Variants in F8 observed in about 807,000 individuals in gnomAD.
The protein encoded by F8 is antihemophilic factor.
In F8, 12 loss-of-function variants were observed where a neutral mutation model predicts 140.6. The ratio of observed to expected loss-of-function variants is 0.09; its 90% CI spans 0.05 to 0.14. The LOEUF is 0.14. Ranked by LOEUF, F8 falls within the 10% of genes least tolerant of loss-of-function variation. F8 has a pLI of 1.00. For missense variants in F8, 1,354 were observed against 1,720.7 expected (o/e 0.79, Z 3.77); for synonymous variants, 585 against 614.6 (o/e 0.95, Z 0.71).
At chrX:154,839,347 G>A (rs1432719892) in intron 25 of F8, among the ~76,000 whole-genome samples, 7 of 106,537 alleles carry the variant, frequency 6.6e-5, no homozygotes, top group African/African-American at 1.0e-4. Flanking sequence ...AGGCAACATA[G>A]CGAAATTCTG....
At chrX:154,947,542 G>T (rs1382347103) in intron 13 of F8, among the ~76,000 whole-genome samples, 156 bp downstream of exon 13, 2 of 111,407 alleles carry the variant, frequency 1.8e-5, no homozygotes, top group African/African-American at 3.3e-5. Context: ...AGTTGCAAGG[G>T]TGAAAATAAT....
chrX:154,989,767 C>T (rs1421954758), intron 4 of F8, among the ~76,000 whole-genome samples: 1 of 112,032 alleles, frequency 8.9e-6, no homozygotes, highest in Non-Finnish European at 1.9e-5. Flanking sequence ...CATATTCAGA[C>T]TTAAGTTCCA....
rs192185959 is a variant in F8, at chrX:154,960,032, G to C, written c.1537+1043C>G. Among the ~76,000 whole-genome samples, 8 of 111,803 alleles carry C rather than the reference G, an allele frequency of 7.2e-5. No homozygotes were observed. The Admixed American group carries it at 7.6e-4, about 11-fold the overall frequency. On this transcript the variant is annotated intron_variant, in intron 10 of 25. Coordinates refer to ENST00000360256, the MANE Select transcript of F8 (RefSeq NM_000132.4). ...GCAGCAGTAGAGAAAAGAAAGGTTT[G>C]GGGAAAGGAAAAGTGAGGGGTACAG...
intron 9 of F8, 27 bp from the exon 10 acceptor site, chrX:154,961,195 C>G (rs782389527): frequency 4.5e-6 from 4 of 888,132 alleles, no homozygotes; most frequent in Non-Finnish European, 6.5e-6. Context: ...GATCTAAGAT[C>G]AAATCCTAAA....
intron 4 of F8, among the ~76,000 whole-genome samples, chrX:154,990,920 C>T (rs1477995572): frequency 3.6e-5 from 4 of 111,848 alleles, no homozygotes; most frequent in African/African-American, 9.8e-5. Flanking sequence ...ATAAACTTTC[C>T]AGTTCTGTGA....
chrX:154,848,286 T>C (rs782662802), intron 25 of F8, among the ~76,000 whole-genome samples: 2 of 112,575 alleles, frequency 1.8e-5, no homozygotes, highest in Admixed American at 9.4e-5. Context: ...AACTCTGTGC[T>C]GGGAGAACCA....
chrX:154,900,058 T>C (rs953940907), intron 20 of F8, 107 bp from the exon 21 acceptor site: 1 of 674,762 alleles, frequency 1.5e-6, no homozygotes, highest in Non-Finnish European at 2.3e-6. Flanking sequence ...GTGGTGAAAA[T>C]AGAGAAAAAC....
intron 7 of F8, 152 bp from the exon 8 acceptor site, chrX:154,966,839 T>G (rs1160906191): frequency 1.5e-6 from 1 of 659,711 alleles, no homozygotes; most frequent in African/African-American, 2.2e-5. Context: ...CTGCTTGGCT[T>G]CAGGGAGGTC....
intron 4 of F8, 29 bp downstream of exon 4, chrX:154,992,907 A>G (rs782385442): frequency 1.7e-6 from 2 of 1,158,222 alleles, no homozygotes; most frequent in Non-Finnish European, 2.4e-6. Context: ...TGCTTATTTC[A>G]TCTCAATCCT....
intron 22 of F8, among the ~76,000 whole-genome samples, chrX:154,873,289 C>T (rs1320971296): frequency 4.7e-5 from 5 of 105,854 alleles, no homozygotes; most frequent in South Asian, 4.2e-4. Flanking sequence ...TGCAGTGGTG[C>T]GATCTTGGCT....
intron 25 of F8, among the ~76,000 whole-genome samples, chrX:154,845,771 G>A (rs1414773449): frequency 9.0e-6 from 1 of 111,499 alleles, no homozygotes; most frequent in Admixed American, 9.5e-5. Flanking sequence ...TTTTTAAAGG[G>A]TTTTTTGTGT....
At position 154,957,179 on chromosome X, in the gene F8, C is replaced by G; in HGVS notation, c.1538-8G>C. ...CCTTCAAATGTTTTACACCTACCCA[C>G]AAGCAAAACCATAAATAGCTCAATT... On this transcript the variant is annotated splice_polypyrimidine_tract_variant and splice_region_variant and intron_variant, in intron 10 of 25. Transcript: ENST00000360256. 8.6e-7 allele frequency: 1 copy of G among 1,159,298 alleles called. No homozygotes were observed. Among genetic ancestry groups the G allele is most frequent in the Non-Finnish European group, 1.2e-6 (1 of 849,551 alleles).
intron 22 of F8, among the ~76,000 whole-genome samples, chrX:154,891,561 A>G (rs1362852192): frequency 8.9e-6 from 1 of 112,503 alleles, no homozygotes; most frequent in Non-Finnish European, 1.9e-5. Context: ...GTGGGATGTA[A>G]AGATGTTTGA....
chrX:154,970,828 T>C (rs1225726478), intron 6 of F8, among the ~76,000 whole-genome samples: 1 of 111,812 alleles, frequency 8.9e-6, no homozygotes, highest in Non-Finnish European at 1.9e-5. Flanking sequence ...TATGTAATTT[T>C]CCTTCAGAGT....
chrX:154,887,830 CT>C, intron 22 of F8: 1 of 530,693 alleles, frequency 1.9e-6, no homozygotes. Flanking sequence ...CTGCCTCCGC[CT>C]TTGTTTCATA....
intron 6 of F8, among the ~76,000 whole-genome samples, chrX:154,983,618 G>A (rs1408394099): frequency 8.9e-6 from 1 of 111,980 alleles, no homozygotes; most frequent in Non-Finnish European, 1.9e-5. Context: ...TCAAGTGCTG[G>A]GATTACAGGT....
chrX:154,900,933 A>G (rs1249388743), intron 20 of F8, among the ~76,000 whole-genome samples: 2 of 112,738 alleles, frequency 1.8e-5, no homozygotes, highest in Non-Finnish European at 3.7e-5. Flanking sequence ...CTTTTTGACA[A>G]TTATTTAAAA....
chrX:154,906,549 C>A lies in F8; in HGVS notation c.5244G>T (p.Gln1748His). Residue 1748 changes from glutamine (Q) to histidine (H), a missense_variant, in exon 15 of 26, where the codon CAG becomes CAT. By Grantham distance (24) the Gln-to-His change is conservative. Around this residue, in one of 4 missense-constraint regions of F8, gnomAD observed 316 missense variants for 485.4 expected, o/e 0.65. Coordinates refer to ENST00000360256, the MANE Select transcript of F8 (RefSeq NM_000132.4). The stretch of plus-strand genomic sequence containing the variant: ...ATTCCTGGAAAACAACTTTCTTGAA[C>A]TGAGGGACACTGCCACTCTGAGCCC... ...RNRAQSGSVPQFKKVVFQEFT... is the reference protein window; with the variant it reads ...RNRAQSGSVPHFKKVVFQEFT... 1.7e-6 allele frequency: 2 copies of A among 1,210,282 alleles called. No homozygotes were observed. Among genetic ancestry groups the A allele is most frequent in the Non-Finnish European group, 2.2e-6 (2 of 894,752 alleles).
intron 13 of F8, among the ~76,000 whole-genome samples, chrX:154,942,785 C>T (rs1294890149): frequency 4.7e-5 from 5 of 105,589 alleles, no homozygotes; most frequent in East Asian, 3.0e-4. Context: ...ACTGGCAAAC[C>T]GAATCCAGCA....
Sources: allele counts gnomAD v4.1 joint callset (sites outside exome capture counted in the v4.1 genomes callset), GRCh38; gene constraint gnomAD v4.1.1; regional missense constraint gnomAD v4.1.1; transcripts MANE v1.5; gene names NCBI Gene and HGNC (gene_info 2026-07-23, HGNC 2026-07-21).